Variants in FAM13B observed in about 807,000 individuals in gnomAD.
FAM13B encodes the protein family with sequence similarity 13 member B.
FAM13B carries 60 observed loss-of-function variants against 117.3 expected under a neutral mutation model. The observed-to-expected ratio is 0.51, with a 90% CI of 0.42 to 0.63. The LOEUF is 0.63. Ranked by LOEUF, FAM13B falls within the 30% of genes least tolerant of loss-of-function variation. FAM13B has a pLI of 0.00. For synonymous variants in FAM13B, 332 were observed against 356.1 expected (o/e 0.93, Z 0.76); for missense variants, 972 against 1,091.9 (o/e 0.89, Z 1.55).
Position 137,943,208 on chromosome 5 carries a change from T to C in FAM13B, c.2349A>G (p.Pro783=), listed in dbSNP as rs375324250. The part of the protein sequence containing the change: ...RASITPVLGS[P]STKRRGQMLQ... Reference sequence around the variant, plus strand: ...ACATCTGACCCCTTCGCTTGGTGGATGGAGATCCCTATAACAATCAATAAT... The same window carrying C: ...ACATCTGACCCCTTCGCTTGGTGGACGGAGATCCCTATAACAATCAATAAT... Residue 783 remains proline (P), a synonymous_variant, in exon 21 of 24, where the codon CCA becomes CCG. Transcript: ENST00000689681. 49 of 1,612,920 alleles carry C rather than the reference T, an allele frequency of 3.0e-5. No homozygotes were observed. In the African/African-American group the frequency reaches 5.1e-4, roughly 17 times the overall value.
chr5:137,987,937 A>G (rs1777637462), intron 8 of FAM13B, among the ~76,000 whole-genome samples: 1 of 152,236 alleles, frequency 6.6e-6, no homozygotes, highest in Non-Finnish European at 1.5e-5. Flanking sequence ...TATACTTATA[A>G]AGCAAAATAA....
intron 13 of FAM13B, among the ~76,000 whole-genome samples, chr5:137,956,757 A>AGGGG (rs3836894): frequency 2.0e-4 from 30 of 149,754 alleles, no homozygotes; most frequent in Non-Finnish European, 2.2e-4. Context: ...AATGCAAAAA[A>AGGGG]GGGGGGGGAA....
chr5:137,962,490 A>G, intron 10 of FAM13B, 21 bp from the exon 11 acceptor site: 8 of 1,605,590 alleles, frequency 5.0e-6, no homozygotes, highest in African/African-American at 4.0e-5. Flanking sequence ...GAACACTACC[A>G]TGTATTAATG....
chr5:138,051,158 TTTC>T (rs1429235365), intron 1 of FAM13B, among the ~76,000 whole-genome samples: 1 of 152,186 alleles, frequency 6.6e-6, no homozygotes, highest in Admixed American at 6.5e-5. Context: ...CAATTATCTT[TTTC>T]TTAACATAAA....
At chr5:137,975,737 C>T (rs145339591) in intron 10 of FAM13B, among the ~76,000 whole-genome samples, 17 of 152,216 alleles carry the variant, frequency 1.1e-4, no homozygotes, top group Middle Eastern at 3.4e-3. Flanking sequence ...TAGGAATAGT[C>T]ACTCAACTTG....
At position 137,949,137 on chromosome 5, in the gene FAM13B, G is replaced by A. The variant is rs1411118251; in HGVS notation, c.1978C>T (p.Pro660Ser). ...SDGEFVPQTR[P>S]RSNTLPKSFG... is the part of the protein sequence containing the mutation. ...CTTTTTGGAAGTGTGTTACTACGTG[G>A]ACGTGTCTGAGGTACAAATTCTCCA... is the stretch of plus-strand genomic sequence containing the variant. The change falls in exon 18 of 24, where the codon CCA (proline) becomes TCA (serine). Residue 660 changes from proline (P) to serine (S), a missense_variant. Physicochemically the swap from Pro to Ser is moderately conservative, Grantham distance 74 (BLOSUM62 -1). Transcript: ENST00000689681. 1 of 1,614,100 alleles carries A rather than the reference G, an allele frequency of 6.2e-7. No homozygotes were observed. The highest frequency in any genetic ancestry group is 8.5e-7 in the Non-Finnish European group (1 of 1,180,028).
At chr5:138,004,265 T>C (rs1487879426) in intron 7 of FAM13B, among the ~76,000 whole-genome samples, 2 of 149,690 alleles carry the variant, frequency 1.3e-5, no homozygotes, top group South Asian at 2.1e-4. Flanking sequence ...CGCAACTCCA[T>C]CTCAAAAAAA....
chr5:137,974,869 G>A (rs1224713069), intron 10 of FAM13B, among the ~76,000 whole-genome samples: 1 of 151,980 alleles, frequency 6.6e-6, no homozygotes, highest in Non-Finnish European at 1.5e-5. Flanking sequence ...GGGTTTCTAC[G>A]TTTTTAATGA....
chr5:137,991,361 T>C (rs907171232), intron 7 of FAM13B, among the ~76,000 whole-genome samples: 4 of 152,228 alleles, frequency 2.6e-5, no homozygotes, highest in African/African-American at 7.2e-5. Context: ...TGTGCAACTA[T>C]GTACCAAAAT....
At chr5:137,978,686 T>C (rs992622477) in intron 10 of FAM13B, among the ~76,000 whole-genome samples, 3 of 152,194 alleles carry the variant, frequency 2.0e-5, no homozygotes, top group Non-Finnish European at 4.4e-5. Context: ...CCAACTGCTA[T>C]GGTCATGGCT....
intron 6 of FAM13B, 43 bp from the exon 7 acceptor site, chr5:138,007,190 C>A: frequency 7.1e-7 from 1 of 1,417,600 alleles, no homozygotes; most frequent in Non-Finnish European, 9.5e-7. Context: ...TGTAATGAAA[C>A]CGTTAACACA....
At chr5:137,955,668 G>A (rs914190743) in intron 14 of FAM13B, among the ~76,000 whole-genome samples, 10 of 152,104 alleles carry the variant, frequency 6.6e-5, no homozygotes, top group African/African-American at 7.2e-5. Context: ...GTCTTGCTCT[G>A]TCACCCAGGC....
At chr5:137,959,470 C>G (rs1767530406) in intron 13 of FAM13B, 146 bp downstream of exon 13, 2 of 793,424 alleles carry the variant, frequency 2.5e-6, no homozygotes, top group Non-Finnish European at 3.9e-6. Context: ...CTAAAAACAC[C>G]CACTTGTTCA....
chr5:138,029,256 T>C (rs1789274890), intron 1 of FAM13B, among the ~76,000 whole-genome samples: 1 of 152,218 alleles, frequency 6.6e-6, no homozygotes, highest in African/African-American at 2.4e-5. Flanking sequence ...AATTAGCAAC[T>C]AGAACTCTAA....
intron 10 of FAM13B, among the ~76,000 whole-genome samples, chr5:137,979,342 C>T (rs1774968036): frequency 6.6e-6 from 1 of 152,110 alleles, no homozygotes; most frequent in Non-Finnish European, 1.5e-5. Context: ...TCGCCAAATA[C>T]AGTGCAAAAA....
intron 4 of FAM13B, 61 bp from the exon 5 acceptor site, chr5:138,012,006 G>T: frequency 7.9e-7 from 1 of 1,270,248 alleles, no homozygotes; most frequent in Non-Finnish European, 1.1e-6. Flanking sequence ...CTGATATTTT[G>T]CCAGGTTCAC....
intron 18 of FAM13B, chr5:137,946,534 T>C (rs764353407): frequency 2.7e-5 from 12 of 442,342 alleles, no homozygotes; most frequent in Non-Finnish European, 4.3e-5. Flanking sequence ...ACCAACCCCT[T>C]TGATGGCTTT....
At chr5:137,942,426 G>A (rs545637896) in intron 22 of FAM13B, 21 of 224,554 alleles carry the variant, frequency 9.4e-5, no homozygotes, top group Admixed American at 2.6e-4. Flanking sequence ...ACAGCGGTGC[G>A]ACAGTGGCCT....
At chr5:138,040,586 A>C (rs1791469453) in intron 1 of FAM13B, among the ~76,000 whole-genome samples, 2 of 152,000 alleles carry the variant, frequency 1.3e-5, no homozygotes, top group Non-Finnish European at 2.9e-5. Context: ...AACAAACAAA[A>C]AAGAAGGAGA....
Sources: gnomAD v4.1 joint callset for allele counts (sites outside exome capture counted in the v4.1 genomes callset) on GRCh38, gnomAD v4.1.1 for gene constraint, MANE v1.5 for transcripts, NCBI Gene and HGNC (gene_info 2026-07-23, HGNC 2026-07-21) for gene names.